Variants in CDH3 observed in about 807,000 individuals in gnomAD.
The protein encoded by CDH3 is cadherin-3.
A neutral mutation model predicts 82.0 loss-of-function variants in CDH3; 54 were observed. The ratio of observed to expected loss-of-function variants is 0.66; its 90% CI spans 0.53 to 0.83. The LOEUF (loss-of-function observed/expected upper bound fraction) is 0.83. CDH3 is among the 40% of genes least tolerant of loss of function. The pLI is 0.00. For synonymous variants in CDH3, 446 were observed against 437.9 expected (o/e 1.02, Z -0.23); for missense variants, 1,054 against 1,084.6 (o/e 0.97, Z 0.40).
chr16:68,716,805 C>T (rs999735744), intron 1 of CDH3, among the ~76,000 whole-genome samples: 13 of 151,824 alleles, frequency 8.6e-5, no homozygotes, highest in Non-Finnish European at 1.8e-4. Context: ...CTCACTGCAG[C>T]CTCAACCTCC....
chr16:68,647,398 G>A (rs1256880373), intron 2 of CDH3, among the ~76,000 whole-genome samples: 5 of 152,136 alleles, frequency 3.3e-5, no homozygotes, highest in Admixed American at 2.6e-4. Context: ...GAGGTTTTGG[G>A]GGGAAGCAGT....
chr16:68,646,363 C>T (rs1197541194), intron 2 of CDH3, among the ~76,000 whole-genome samples: 1 of 152,186 alleles, frequency 6.6e-6, no homozygotes, highest in Admixed American at 6.5e-5. Flanking sequence ...GGAACCACCC[C>T]GCCCCCAGCG....
At chr16:68,689,958 C>T (rs1446922213) in intron 12 of CDH3, among the ~76,000 whole-genome samples, 1 of 152,170 alleles carries the variant, frequency 6.6e-6, no homozygotes, top group African/African-American at 2.4e-5. Context: ...GAAAAAACTT[C>T]CACACAGGCT....
At chr16:68,646,282 GA>G (rs1960060005) in intron 2 of CDH3, 1 of 157,080 alleles carries the variant, frequency 6.4e-6, no homozygotes, top group Non-Finnish European at 1.4e-5. Context: ...GCTCTTCCCG[GA>G]GGGCCTGCGC....
At chr16:68,711,971 TC>T (rs1962036257) in intron 1 of CDH3, among the ~76,000 whole-genome samples, 1 of 151,906 alleles carries the variant, frequency 6.6e-6, no homozygotes, top group Non-Finnish European at 1.5e-5. Flanking sequence ...CCCTGCATGA[TC>T]CTAGGAAGCT....
At chr16:68,656,788 T>A in intron 2 of CDH3, among the ~76,000 whole-genome samples, 1 of 152,202 alleles carries the variant, frequency 6.6e-6, no homozygotes. Context: ...GGCTTTGAAT[T>A]CCTATTCTCT....
chr16:68,662,532 G>T (rs547035125), intron 2 of CDH3, among the ~76,000 whole-genome samples: 1 of 149,828 alleles, frequency 6.7e-6, no homozygotes, highest in Non-Finnish European at 1.5e-5. Context: ...ACTTTGGGAG[G>T]CTGAAGCCAG....
At chr16:68,690,924 A>AAG (rs1440119956) in intron 12 of CDH3, among the ~76,000 whole-genome samples, 1 of 152,158 alleles carries the variant, frequency 6.6e-6, no homozygotes, top group African/African-American at 2.4e-5. Flanking sequence ...TTGAATGCTC[A>AAG]GTTGGAAATA....
chr16:68,690,861 C>G (rs968323286), intron 12 of CDH3, among the ~76,000 whole-genome samples: 11 of 151,902 alleles, frequency 7.2e-5, no homozygotes, highest in Non-Finnish European at 1.6e-4. Context: ...GAGCTGAGAT[C>G]ACGCCACTGC....
chr16:68,672,393 A>G, intron 2 of CDH3, among the ~76,000 whole-genome samples: 1 of 152,114 alleles, frequency 6.6e-6, no homozygotes, highest in South Asian at 2.1e-4. Context: ...TAGCTGGATA[A>G]ATAACCTATG....
chr16:68,730,590 A>G (rs1962272833), downstream of CDH3, among the ~76,000 whole-genome samples: 1 of 152,238 alleles, frequency 6.6e-6, no homozygotes, highest in African/African-American at 2.4e-5. Flanking sequence ...TGGCTTAGCC[A>G]TTCAATGATA....
At chr16:68,706,544 CTTTTTTTTTTTT>C (rs34364461) in intron 1 of CDH3, among the ~76,000 whole-genome samples, 6 of 81,628 alleles carry the variant, frequency 7.4e-5, no homozygotes, top group Non-Finnish European at 1.4e-4. Context: ...GTCACATTTC[CTTTTTTTTTTTT>C]TTTTTTTTTT....
intron 9 of CDH3, among the ~76,000 whole-genome samples, chr16:68,682,761 G>A (rs780038181): frequency 4.6e-5 from 7 of 152,178 alleles, no homozygotes; most frequent in Non-Finnish European, 7.3e-5. Flanking sequence ...TGGCTGCCCC[G>A]AATCAGTCTC....
At chr16:68,653,418 G>A (rs1960307778) in intron 2 of CDH3, among the ~76,000 whole-genome samples, 1 of 151,696 alleles carries the variant, frequency 6.6e-6, no homozygotes, top group Non-Finnish European at 1.5e-5. Flanking sequence ...TATATTTTTA[G>A]TAGAGATGGG....
At chr16:68,665,023 T>C (rs949247248) in intron 2 of CDH3, among the ~76,000 whole-genome samples, 9 of 152,196 alleles carry the variant, frequency 5.9e-5, no homozygotes, top group Admixed American at 3.9e-4. Context: ...TTTCTGCTTA[T>C]CTTAGGATTC....
chr16:68,698,502 G>A lies in CDH3; in HGVS notation c.*102G>A. 1 of 1,077,572 alleles carries A rather than the reference G, an allele frequency of 9.3e-7. No homozygotes were observed. Among genetic ancestry groups the A allele is most frequent in the African/African-American group, 1.6e-5 (1 of 64,302 alleles). The allele number at this position is 1,077,572 out of a possible 1,614,324, so 66.8% of individuals were successfully genotyped here. A position where few individuals can be genotyped will look rare whatever the true frequency, so the allele number is the denominator to read the frequency against. On this transcript the variant is annotated 3_prime_UTR_variant, in exon 16 of 16. Coordinates refer to ENST00000264012, the MANE Select transcript of CDH3 (RefSeq NM_001793.6). ...TGAGGACTTCGGAGCTTGTCAGGAA[G>A]TGGCCGTAGCAACTTGGCGGAGACA...
At position 68,695,942 on chromosome 16, in the gene CDH3, G is replaced by C; in HGVS notation, c.2280+19G>C. 6.2e-7 allele frequency: 1 copy of C among 1,613,456 alleles called. No homozygotes were observed. The highest frequency in any genetic ancestry group is 8.5e-7 in the Non-Finnish European group (1 of 1,179,880). The stretch of plus-strand genomic sequence containing the variant: ...AATTGAGGTGAGGCGTGGCAGGCCA[G>C]TCGAGGGCCACCCTTTATTCAAGCC... On this transcript the variant is annotated intron_variant, in intron 15 of 15. Transcript: ENST00000264012.
At chr16:68,691,359 A>G (rs754170364) in intron 12 of CDH3, among the ~76,000 whole-genome samples, 2 of 152,148 alleles carry the variant, frequency 1.3e-5, no homozygotes, top group Admixed American at 6.6e-5. Context: ...TGGGTTAGCT[A>G]TCTTTTAGGA....
At chr16:68,682,154 G>T in intron 8 of CDH3, 148 bp from the exon 9 acceptor site, 1 of 801,458 alleles carries the variant, frequency 1.2e-6, no homozygotes, top group East Asian at 2.7e-5. Flanking sequence ...CTGCCGCTGT[G>T]TATACCCTGA....
Sources: allele counts gnomAD v4.1 joint callset (sites outside exome capture counted in the v4.1 genomes callset), GRCh38; gene constraint gnomAD v4.1.1; transcripts MANE v1.5; gene names NCBI Gene and HGNC (gene_info 2026-07-23, HGNC 2026-07-21).